Variants in TYW1B observed in about 807,000 individuals in gnomAD.
TYW1B encodes the protein tRNA-yW synthesizing protein 1 homolog B.
Under a neutral mutation model 86.9 loss-of-function variants are expected in TYW1B, and 73 were observed. That is an observed-to-expected ratio of 0.84 (90% confidence interval 0.70 to 1.02). The LOEUF is 1.02. TYW1B is among the 50% of genes least tolerant of loss of function. The pLI is 0.00. For missense variants in TYW1B, 637 were observed against 827.4 expected, an observed-to-expected ratio of 0.77 and a Z score of 2.82; for synonymous variants, 248 against 292.8, an observed-to-expected ratio of 0.85 and a Z score of 1.56.
chr7:72,793,284 C>G (rs1283381708), intron 6 of TYW1B, among the ~76,000 whole-genome samples: 1 of 151,576 alleles, frequency 6.6e-6, no homozygotes, highest in African/African-American at 2.4e-5. Flanking sequence ...TTGCAGTGAG[C>G]TGAGATCGCA....
Position 72,702,939 on chromosome 7 carries a change from C to A in TYW1B, c.1371-8117G>T. Among the ~76,000 whole-genome samples the A allele has an allele frequency of 1.3e-5, 2 of 149,900 alleles. 1 individual carries two copies. On this transcript the variant is annotated intron_variant, in intron 10 of 13. Transcript: ENST00000620995. ...TCTGCTATTTCTGCTGACATCCAACCCACATATTTTGTTTTCTTATCTATC... is the reference window on the plus strand; with the variant it reads ...TCTGCTATTTCTGCTGACATCCAACACACATATTTTGTTTTCTTATCTATC...
intron 2 of TYW1B, among the ~76,000 whole-genome samples, chr7:72,826,294 G>A (rs1554481400): frequency 1.3e-5 from 2 of 152,084 alleles, no homozygotes. Context: ...ACTTCAGCAG[G>A]GATGAAAGGT....
chr7:72,819,471 C>T (rs1554480049), intron 2 of TYW1B, among the ~76,000 whole-genome samples: 1 of 152,138 alleles, frequency 6.6e-6, no homozygotes, highest in East Asian at 1.9e-4. Context: ...CTCACTCTGT[C>T]GCCCAGGCTG....
intron 11 of TYW1B, among the ~76,000 whole-genome samples, chr7:72,689,838 T>C (rs556381066): frequency 6.6e-6 from 1 of 152,342 alleles, no homozygotes; most frequent in African/African-American, 2.4e-5. Flanking sequence ...CAAATTTCCA[T>C]AAGCAGCACA....
intron 7 of TYW1B, among the ~76,000 whole-genome samples, chr7:72,764,632 A>G (rs1263929959): frequency 2.0e-5 from 3 of 152,228 alleles, no homozygotes; most frequent in African/African-American, 7.2e-5. Flanking sequence ...AATGGACTAA[A>G]TGACAACTTC....
chr7:72,738,812 TA>T (rs782502404), intron 8 of TYW1B, among the ~76,000 whole-genome samples: 4 of 152,126 alleles, frequency 2.6e-5, no homozygotes, highest in Non-Finnish European at 4.4e-5. Flanking sequence ...AGCCCACGCC[TA>T]TAATCTCAGC....
intron 13 of TYW1B, among the ~76,000 whole-genome samples, chr7:72,602,765 TAA>T (rs1258448079): frequency 1.2e-4 from 18 of 151,766 alleles, no homozygotes; most frequent in African/African-American, 4.1e-4. Flanking sequence ...TGAACCACTG[TAA>T]GTTGGGACCA....
intron 9 of TYW1B, among the ~76,000 whole-genome samples, chr7:72,718,175 A>G (rs1324610968): frequency 1.3e-5 from 2 of 152,066 alleles, no homozygotes; most frequent in Non-Finnish European, 2.9e-5. Context: ...CCTTTACAGG[A>G]ACATGGATGA....
intron 12 of TYW1B, among the ~76,000 whole-genome samples, chr7:72,627,867 A>ATT (rs1812386358): frequency 1.3e-5 from 2 of 152,240 alleles, no homozygotes; most frequent in South Asian, 4.1e-4. Context: ...GGCATCAGCC[A>ATT]AGATGCATGA....
At chr7:72,747,527 C>T (rs1178264166) in intron 7 of TYW1B, among the ~76,000 whole-genome samples, 7 of 152,136 alleles carry the variant, frequency 4.6e-5, no homozygotes, top group African/African-American at 7.2e-5. Context: ...CTAGTCTCTC[C>T]CTTGATTTAT....
chr7:72,776,400 A>G (rs1421226106), intron 7 of TYW1B, among the ~76,000 whole-genome samples: 1 of 151,832 alleles, frequency 6.6e-6, no homozygotes, highest in East Asian at 1.9e-4. Flanking sequence ...CATGGCCAAC[A>G]TGGCGAAAAA....
chr7:72,771,137 A>G (rs1787860644), intron 7 of TYW1B, among the ~76,000 whole-genome samples: 2 of 151,818 alleles, frequency 1.3e-5, no homozygotes, highest in Admixed American at 1.3e-4. Flanking sequence ...TAATTTTGAT[A>G]TTTTTAGTAG....
intron 13 of TYW1B, among the ~76,000 whole-genome samples, chr7:72,612,209 A>T (rs1382781805): frequency 6.6e-6 from 1 of 152,190 alleles, no homozygotes; most frequent in East Asian, 1.9e-4. Flanking sequence ...AGAGAGAACG[A>T]AGAGACAGAG....
At chr7:72,733,676 A>G (rs1585939803) in intron 8 of TYW1B, among the ~76,000 whole-genome samples, 1 of 152,050 alleles carries the variant, frequency 6.6e-6, no homozygotes, top group Admixed American at 6.6e-5. Context: ...AATAAGAAAG[A>G]AAAAAAAGAA....
rs1210334679 is a variant in TYW1B, at chr7:72,603,241, C to T, written c.1785+13431G>A. ...CAGATAGACACAGACAGATGATGGA[C>T]GGACGGATGGATGGATGGATGGATG... On this transcript the variant is annotated intron_variant, in intron 13 of 13. Transcript: ENST00000620995. 7.7e-5 allele frequency among the ~76,000 whole-genome samples: 11 copies of T among 143,156 alleles called. No individual in the cohort carries two copies. In the East Asian group the frequency reaches 1.4e-3, roughly 19 times the overall value. The allele number at this position is 143,156 out of a possible 152,430, so 93.9% of individuals were successfully genotyped here.
intron 11 of TYW1B, among the ~76,000 whole-genome samples, chr7:72,658,360 A>G (rs1172673696): frequency 6.6e-6 from 1 of 152,248 alleles, no homozygotes; most frequent in Non-Finnish European, 1.5e-5. Flanking sequence ...GAGGTAAAAC[A>G]CATTAAAAAT....
intron 9 of TYW1B, among the ~76,000 whole-genome samples, chr7:72,716,193 T>G (rs1350504245): frequency 6.6e-6 from 1 of 152,212 alleles, no homozygotes; most frequent in African/African-American, 2.4e-5. Flanking sequence ...CGCCTCGGCC[T>G]CCCAAAGTGC....
chr7:72,745,884 GTGTGTA>G (rs1298179590), intron 7 of TYW1B, among the ~76,000 whole-genome samples: 3 of 147,252 alleles, frequency 2.0e-5, no homozygotes, highest in East Asian at 2.2e-4. Context: ...GTGTGTGTGT[GTGTGTA>G]GTCTCACTCT....
intron 3 of TYW1B, among the ~76,000 whole-genome samples, chr7:72,815,138 C>T (rs527630584): frequency 6.6e-6 from 1 of 151,740 alleles, no homozygotes; most frequent in East Asian, 1.9e-4. Context: ...GCTTTCTCAC[C>T]TCTAGTCCTG....
Sources: gnomAD v4.1 joint callset for allele counts (sites outside exome capture counted in the v4.1 genomes callset) on GRCh38, gnomAD v4.1.1 for gene constraint, MANE v1.5 for transcripts, NCBI Gene and HGNC (gene_info 2026-07-23, HGNC 2026-07-21) for gene names.